The following TMCO4 variants were observed in gnomAD, a reference collection of about 807,000 sequenced individuals.
TMCO4 encodes the protein transmembrane and coiled-coil domains 4, also known as transmembrane and coiled-coil domain-containing protein 4.
A neutral mutation model predicts 64.7 loss-of-function variants in TMCO4; 58 were observed. That is an observed-to-expected ratio of 0.90 (90% confidence interval 0.73 to 1.12). The LOEUF (loss-of-function observed/expected upper bound fraction) is 1.12, where lower values mean the gene tolerates loss of function less well. Ranked by LOEUF, TMCO4 falls within the 50% of genes most tolerant of loss-of-function variation. The pLI, the probability that TMCO4 is intolerant of heterozygous loss-of-function variation, is 0.00. For missense variants in TMCO4, 780 were observed against 825.9 expected (o/e 0.94, Z 0.68); for synonymous variants, 325 against 346.1 (o/e 0.94, Z 0.68).
intron 13 of TMCO4, among the ~76,000 whole-genome samples, chr1:19,724,274 G>A (rs922576116): frequency 3.9e-5 from 6 of 152,174 alleles, no homozygotes; most frequent in African/African-American, 9.7e-5. Flanking sequence ...CTTACTTGTT[G>A]GGAGTCTACT....
chr1:19,688,688 C>T (rs1055328262), intron 15 of TMCO4, among the ~76,000 whole-genome samples: 2 of 152,282 alleles, frequency 1.3e-5, no homozygotes, highest in African/African-American at 2.4e-5. Flanking sequence ...ACTCACATGC[C>T]GTGGCACCGC....
intron 6 of TMCO4, among the ~76,000 whole-genome samples, chr1:19,756,004 C>T (rs1302979115): frequency 7.9e-5 from 12 of 152,060 alleles, no homozygotes; most frequent in Admixed American, 6.5e-4. Context: ...CCCAGCACTT[C>T]GGGGGGCTGA....
At chr1:19,685,012 A>G (rs1464592762) in intron 15 of TMCO4, among the ~76,000 whole-genome samples, 1 of 152,190 alleles carries the variant, frequency 6.6e-6, no homozygotes, top group Non-Finnish European at 1.5e-5. Context: ...TTTATGTGAC[A>G]GAATCAACCC....
intron 2 of TMCO4, among the ~76,000 whole-genome samples, chr1:19,788,434 C>T (rs74058636): frequency 0.039 from 5,964 of 152,104 alleles, 401 homozygotes; most frequent in African/African-American, 0.14. Flanking sequence ...GGACACGCAC[C>T]AGGATGCTGG....
intron 13 of TMCO4, among the ~76,000 whole-genome samples, chr1:19,728,577 G>A (rs74518965): frequency 2.8e-4 from 43 of 152,340 alleles, no homozygotes; most frequent in African/African-American, 1.0e-3. Flanking sequence ...CAGAGCTTTG[G>A]CCCAGATCTG....
At chr1:19,721,425 A>G (rs1457368891) in intron 13 of TMCO4, among the ~76,000 whole-genome samples, 1 of 152,164 alleles carries the variant, frequency 6.6e-6, no homozygotes, top group East Asian at 1.9e-4. Flanking sequence ...AGCAGGATTC[A>G]GTTTGCAACA....
Position 19,682,457 on chromosome 1 carries a change from T to C in TMCO4, c.*583A>G, listed in dbSNP as rs548064181. 26 of 604,768 alleles carry C rather than the reference T, an allele frequency of 4.3e-5. No homozygotes were observed. The highest frequency in any genetic ancestry group is 2.6e-4 in the African/African-American group (14 of 54,244). 37.5% of individuals were successfully genotyped at this position (604,768 alleles called of 1,614,324 possible). The stretch of plus-strand genomic sequence containing the variant: ...TGTGTGACTCATGTCCCTGGAGTTA[T>C]GCAGCGCACAGCCTACATGGCTGTA... On this transcript the variant is annotated 3_prime_UTR_variant, in exon 16 of 16. Transcript: ENST00000294543.
At chr1:19,733,359 T>C (rs930723348) in intron 13 of TMCO4, among the ~76,000 whole-genome samples, 8 of 152,338 alleles carry the variant, frequency 5.3e-5, no homozygotes, top group South Asian at 2.1e-4. Flanking sequence ...TTTGTCTACA[T>C]CTGTGCCAAG....
chr1:19,783,184 A>T (rs1471404820), intron 3 of TMCO4, among the ~76,000 whole-genome samples: 1 of 152,242 alleles, frequency 6.6e-6, no homozygotes, highest in Non-Finnish European at 1.5e-5. Flanking sequence ...CAATTTTAAC[A>T]TGCATTGTCT....
At chr1:19,736,965 G>A (rs1033481733) in intron 13 of TMCO4, among the ~76,000 whole-genome samples, 5 of 152,184 alleles carry the variant, frequency 3.3e-5, no homozygotes, top group African/African-American at 1.2e-4. Context: ...GGAATGACAT[G>A]TCTACAAGCC....
At chr1:19,780,388 C>T (rs992430047) in intron 4 of TMCO4, among the ~76,000 whole-genome samples, 192 bp downstream of exon 4, 12 of 152,162 alleles carry the variant, frequency 7.9e-5, no homozygotes, top group Non-Finnish European at 1.5e-4. Context: ...TCCTGCTGTG[C>T]GGCCAGGTTC....
chr1:19,696,549 TCAAAAAA>T (rs953613361), intron 14 of TMCO4, among the ~76,000 whole-genome samples: 7 of 146,116 alleles, frequency 4.8e-5, no homozygotes, highest in Non-Finnish European at 9.0e-5. Flanking sequence ...AGACCTTGTC[TCAAAAAA>T]CAAAAAACAA....
At chr1:19,746,336 G>A in intron 9 of TMCO4, 120 bp downstream of exon 9, 1 of 1,442,498 alleles carries the variant, frequency 6.9e-7, no homozygotes, top group Non-Finnish European at 9.4e-7. Context: ...AGTGAGAAAA[G>A]CCACGTCTCC....
intron 13 of TMCO4, among the ~76,000 whole-genome samples, chr1:19,733,416 C>T (rs2095438648): frequency 1.3e-5 from 2 of 152,204 alleles, no homozygotes; most frequent in Non-Finnish European, 2.9e-5. Flanking sequence ...GCCCCTGACA[C>T]ACAGAATCGA....
At chr1:19,778,694 C>A (rs1239668274) in intron 4 of TMCO4, among the ~76,000 whole-genome samples, 2 of 152,184 alleles carry the variant, frequency 1.3e-5, no homozygotes, top group Non-Finnish European at 2.9e-5. Flanking sequence ...TGGAAAGTGG[C>A]AGAGTTAAGA....
At chr1:19,702,739 G>T (rs1031901891) in intron 13 of TMCO4, among the ~76,000 whole-genome samples, 2 of 152,212 alleles carry the variant, frequency 1.3e-5, no homozygotes. Flanking sequence ...ACACCAGCCT[G>T]GGTGACAGAG....
intron 7 of TMCO4, among the ~76,000 whole-genome samples, chr1:19,752,016 C>A (rs1287574086): frequency 6.6e-6 from 1 of 151,878 alleles, no homozygotes; most frequent in Non-Finnish European, 1.5e-5. Flanking sequence ...CCACTGCACT[C>A]CAGCCTGGGT....
chr1:19,713,015 T>C (rs1224411148), intron 13 of TMCO4, among the ~76,000 whole-genome samples: 1 of 152,182 alleles, frequency 6.6e-6, no homozygotes, highest in African/African-American at 2.4e-5. Context: ...AGGAACTAAC[T>C]TGGACCCATT....
intron 3 of TMCO4, among the ~76,000 whole-genome samples, chr1:19,781,243 T>C (rs183201545): frequency 7.0e-4 from 106 of 151,672 alleles, no homozygotes; most frequent in Admixed American, 7.0e-3. Flanking sequence ...GGAGGACTGA[T>C]TGAGCCCAGG....
Sources: gnomAD v4.1 joint callset for allele counts (sites outside exome capture counted in the v4.1 genomes callset) on GRCh38, gnomAD v4.1.1 for gene constraint, MANE v1.5 for transcripts, NCBI Gene and HGNC (gene_info 2026-07-23, HGNC 2026-07-21) for gene names.